Variants in NEDD4 observed in about 807,000 individuals in gnomAD.
NEDD4 encodes NEDD4 E3 ubiquitin protein ligase.
In NEDD4, 99 loss-of-function variants were observed where a neutral mutation model predicts 144.9. The observed-to-expected ratio is 0.68, with a 90% CI of 0.58 to 0.81. The LOEUF (loss-of-function observed/expected upper bound fraction) is 0.81, where lower values mean the gene tolerates loss of function less well. Among genes scored for constraint, NEDD4 ranks in the 30% least tolerant of loss-of-function variants. The probability of loss-of-function intolerance (pLI) is 0.00; values close to 1 mark genes in which losing one functional copy is unlikely to be tolerated. For synonymous variants in NEDD4, 318 were observed against 350.6 expected, an observed-to-expected ratio of 0.91 and a Z score of 1.04; for missense variants, 985 against 1,065.9, an observed-to-expected ratio of 0.92 and a Z score of 1.06.
At chr15:55,861,702 T>A (rs1173591009) in intron 9 of NEDD4, among the ~76,000 whole-genome samples, 3 of 152,058 alleles carry the variant, frequency 2.0e-5, no homozygotes, top group South Asian at 2.1e-4. Context: ...TTAAAAAAAA[T>A]CAGATTGAAC....
At chr15:55,903,190 T>C (rs2035966391) in intron 5 of NEDD4, among the ~76,000 whole-genome samples, 1 of 152,184 alleles carries the variant, frequency 6.6e-6, no homozygotes, top group Non-Finnish European at 1.5e-5. Flanking sequence ...AAATGGAATT[T>C]TTCCTTTAGA....
chr15:55,986,386 G>C (rs2037891116), intron 1 of NEDD4, among the ~76,000 whole-genome samples: 1 of 152,144 alleles, frequency 6.6e-6, no homozygotes, highest in Non-Finnish European at 1.5e-5. Flanking sequence ...AGGTGACCAA[G>C]TGATTAAGGT....
intron 5 of NEDD4, among the ~76,000 whole-genome samples, chr15:55,909,216 C>A (rs28437041): frequency 6.6e-6 from 1 of 152,150 alleles, no homozygotes; most frequent in Non-Finnish European, 1.5e-5. Flanking sequence ...ACCCATGAAT[C>A]GAGCTACAAG....
chr15:55,877,955 G>A (rs1055742632), intron 5 of NEDD4, among the ~76,000 whole-genome samples: 1 of 151,562 alleles, frequency 6.6e-6, no homozygotes, highest in African/African-American at 2.4e-5. Context: ...TTACTTTTTG[G>A]CACCACAAAA....
At chr15:55,888,449 G>C (rs568904169) in intron 5 of NEDD4, among the ~76,000 whole-genome samples, 3 of 152,038 alleles carry the variant, frequency 2.0e-5, no homozygotes, top group Admixed American at 6.6e-5. Flanking sequence ...ACTGATGAAA[G>C]AAATCAAAGA....
chr15:55,959,653 A>G (rs1405861451), intron 2 of NEDD4, among the ~76,000 whole-genome samples: 1 of 152,244 alleles, frequency 6.6e-6, no homozygotes, highest in African/African-American at 2.4e-5. Context: ...ATAAGATTGT[A>G]ATCCATCTTG....
chr15:55,933,664 C>G (rs1265432237), intron 4 of NEDD4, among the ~76,000 whole-genome samples: 1 of 151,800 alleles, frequency 6.6e-6, no homozygotes, highest in African/African-American at 2.4e-5. Context: ...TGTACGTGTA[C>G]CCTAGAACTT....
At chr15:55,935,370 T>C (rs1208116288) in intron 4 of NEDD4, among the ~76,000 whole-genome samples, 1 of 152,140 alleles carries the variant, frequency 6.6e-6, no homozygotes, top group Non-Finnish European at 1.5e-5. Context: ...TGGGTGACTA[T>C]GTCTGTCAGG....
Position 55,967,216 on chromosome 15 carries a change from G to T in NEDD4, c.46-670C>A, listed in dbSNP as rs140978429. On this transcript the variant is annotated intron_variant, in intron 1 of 28. Transcript: ENST00000435532. ...TAATTTGTAATAACTACTTAGAAAA[G>T]GTTATTTTTTTAAATCCCATTCAAC... 2.9e-3 allele frequency among the ~76,000 whole-genome samples: 446 copies of T among 152,120 alleles called. 3 individuals carry two copies. The highest frequency in any genetic ancestry group is 0.01 in the African/African-American group (422 of 41,498).
intron 5 of NEDD4, among the ~76,000 whole-genome samples, chr15:55,910,024 T>C (rs1183507838): frequency 6.7e-6 from 1 of 150,138 alleles, no homozygotes; most frequent in African/African-American, 2.4e-5. Flanking sequence ...TCACTCATCA[T>C]ACTTGCTTAT....
chr15:55,848,387 T>C lies in NEDD4; in HGVS notation c.1527A>G (p.Val509=), dbSNP rs1197532159. The C allele has an allele frequency of 3.1e-6, 5 of 1,614,056 alleles. No homozygotes were observed. In the African/African-American group the frequency reaches 6.7e-5, roughly 22 times the overall value. The change falls in exon 17 of 29, where the codon GTA becomes GTG. Residue 509 remains valine, a synonymous_variant. Coordinates refer to ENST00000435532, the MANE Select transcript of NEDD4 (RefSeq NM_006154.4). The part of the protein sequence containing the change: ...TQWEDPRLEN[V]AITGPAVPYS... ...AGAGACTTACTGGTCCAGTTATTGC[T>C]ACATTCTCCAACCGAGGATCTTCCC...
At chr15:55,959,770 C>T (rs1177042422) in intron 2 of NEDD4, among the ~76,000 whole-genome samples, 1 of 152,132 alleles carries the variant, frequency 6.6e-6, no homozygotes, top group Non-Finnish European at 1.5e-5. Flanking sequence ...GAAATGGAAA[C>T]GCTCAGACTG....
chr15:55,964,650 GGTGTGTGTGTGT>G (rs60902586), intron 2 of NEDD4, among the ~76,000 whole-genome samples: 51 of 144,408 alleles, frequency 3.5e-4, no homozygotes, highest in South Asian at 2.2e-3. Flanking sequence ...TTTTGCTGCT[GGTGTGTGTGTGT>G]GTGTGTGTGT....
In NEDD4 at chr15:55,828,251, C is replaced by T. The variant is rs1395012293; in HGVS notation, c.*1646G>A. ...CATGTTATACCCCAACAAACTTAAACCAAGAACCAGAGGTACTTTTTACAG... is the reference window on the plus strand; with the variant it reads ...CATGTTATACCCCAACAAACTTAAATCAAGAACCAGAGGTACTTTTTACAG... On this transcript the variant is annotated 3_prime_UTR_variant, in exon 29 of 29. Transcript: ENST00000435532. 6.6e-6 allele frequency: 1 copy of T among 152,064 alleles called. No homozygotes were observed. The highest frequency in any genetic ancestry group is 1.5e-5 in the Non-Finnish European group (1 of 68,012). The allele number at this position is 152,064 out of a possible 1,614,324, so 9.4% of individuals were successfully genotyped here.
intron 26 of NEDD4, among the ~76,000 whole-genome samples, 196 bp downstream of exon 26, chr15:55,833,842 C>T (rs563828706): frequency 2.0e-5 from 3 of 152,168 alleles, no homozygotes; most frequent in African/African-American, 7.2e-5. Flanking sequence ...ACCTTCTGAA[C>T]ATTTTACTTA....
intron 5 of NEDD4, among the ~76,000 whole-genome samples, chr15:55,906,165 C>T (rs1366337185): frequency 6.6e-6 from 1 of 152,128 alleles, no homozygotes; most frequent in Non-Finnish European, 1.5e-5. Flanking sequence ...GAAATAGGAA[C>T]ACTTTTACAC....
At chr15:55,863,910 T>C (rs1595765563) in intron 8 of NEDD4, among the ~76,000 whole-genome samples, 1 of 152,232 alleles carries the variant, frequency 6.6e-6, no homozygotes, top group Non-Finnish European at 1.5e-5. Flanking sequence ...TCTCTAGTGA[T>C]GGAAAAGTCA....
At chr15:55,939,274 A>G (rs1410870304) in intron 4 of NEDD4, among the ~76,000 whole-genome samples, 2 of 152,104 alleles carry the variant, frequency 1.3e-5, no homozygotes, top group Non-Finnish European at 2.9e-5. Context: ...TGTTCTCATG[A>G]CAGTGAGTTC....
rs749184478 is a variant in NEDD4 at position 55,860,464 on chromosome 15, C to T, written c.903G>A (p.Leu301=). The T allele has an allele frequency of 1.1e-5, 17 of 1,614,090 alleles. No homozygotes were observed. In the South Asian group the frequency reaches 1.9e-4, roughly 18 times the overall value. The change falls in exon 11 of 29, where the codon TTG becomes TTA. Residue 301 remains leucine (L), a synonymous_variant. Coordinates refer to ENST00000435532, the MANE Select transcript of NEDD4 (RefSeq NM_006154.4). ...TTCCAAAAATGGTGAGTCTGGCATT[C>T]AATTCTTCTGCAAGATGAGTTGGAA... ...LDVPTHLAEE[L]NARLTIFGNS... is the part of the protein sequence containing the mutation.
Sources: allele counts gnomAD v4.1 joint callset (sites outside exome capture counted in the v4.1 genomes callset), GRCh38; gene constraint gnomAD v4.1.1; transcripts MANE v1.5; gene names NCBI Gene and HGNC (gene_info 2026-07-23, HGNC 2026-07-21).